MPHOSPH9: variants seen among roughly 807,000 people sequenced by gnomAD.
MPHOSPH9 encodes the protein M-phase phosphoprotein 9.
In MPHOSPH9, 88 loss-of-function variants were observed where a neutral mutation model predicts 145.5. The ratio of observed to expected loss-of-function variants is 0.60; its 90% CI spans 0.51 to 0.72. MPHOSPH9 has a LOEUF of 0.72. Among genes scored for constraint, MPHOSPH9 ranks in the 30% least tolerant of loss-of-function variants. MPHOSPH9 has a pLI of 0.00. For missense variants in MPHOSPH9, 1,238 were observed against 1,386.6 expected (o/e 0.89, Z 1.70); for synonymous variants, 435 against 486.2 (o/e 0.89, Z 1.39).
chr12:123,239,401 TG>T (rs1300026916), intron 1 of MPHOSPH9, among the ~76,000 whole-genome samples: 1 of 80,074 alleles, frequency 1.2e-5, no homozygotes, highest in Non-Finnish European at 3.9e-5. Flanking sequence ...GCATTAGTTT[TG>T]TTTTTTTGTT....
chr12:123,213,074 T>C (rs1219469276), intron 7 of MPHOSPH9, among the ~76,000 whole-genome samples: 1 of 151,874 alleles, frequency 6.6e-6, no homozygotes, highest in Non-Finnish European at 1.5e-5. Context: ...TTAGCCAGGA[T>C]AGTCTCGATC....
At chr12:123,194,327 T>C in intron 13 of MPHOSPH9, 59 bp downstream of exon 13, 5 of 986,828 alleles carry the variant, frequency 5.1e-6, no homozygotes, top group South Asian at 1.7e-5. Flanking sequence ...TGTAAGAGTA[T>C]AATACCTAAA....
At position 123,216,073 on chromosome 12, in the gene MPHOSPH9, T is replaced by C. The variant is rs1225373079; in HGVS notation, c.997-1239A>G. Reference sequence around the variant, plus strand: ...TAACACGGTGAAACCCCGTCTCTACTAAAAATACAAAAAATTAGCCGGGCG... The same window carrying C: ...TAACACGGTGAAACCCCGTCTCTACCAAAAATACAAAAAATTAGCCGGGCG... On this transcript the variant is annotated intron_variant, in intron 6 of 23. Transcript: ENST00000606320. Among the ~76,000 whole-genome samples the C allele has an allele frequency of 2.6e-5, 4 of 152,084 alleles. No homozygotes were observed. The South Asian group carries it at 8.3e-4, about 31-fold the overall frequency.
chr12:123,236,951 G>A (rs749854880), upstream of MPHOSPH9, among the ~76,000 whole-genome samples: 27 of 152,074 alleles, frequency 1.8e-4, no homozygotes, highest in Non-Finnish European at 3.1e-4. Flanking sequence ...CAAGCGTGGC[G>A]GCATGCGCCT....
chr12:123,161,150 T>C lies in MPHOSPH9; in HGVS notation c.3367A>G (p.Lys1123Glu), dbSNP rs1171327147. Residue 1123 changes from lysine (K) to glutamate (E), a missense_variant, in exon 22 of 24, where the codon AAA (lysine) becomes GAA (glutamate). Lys to Glu is a moderately conservative substitution (Grantham distance 56). Transcript: ENST00000606320. Reference sequence around the variant, plus strand: ...TTTGTTTTTACCTGGTCCTTTTCTTTTGTAAGTTCATCAAAAAATCGTTCT... The same window carrying C: ...TTTGTTTTTACCTGGTCCTTTTCTTCTGTAAGTTCATCAAAAAATCGTTCT... ...ETERFFDELT[K>E]EKDQIEAALS... 1 of 1,614,004 alleles carries C rather than the reference T, an allele frequency of 6.2e-7. No individual in the cohort carries two copies.
chr12:123,202,100 A>C, intron 11 of MPHOSPH9, 64 bp downstream of exon 11: 1 of 1,445,384 alleles, frequency 6.9e-7, no homozygotes, highest in Non-Finnish European at 9.3e-7. Context: ...TTCTCACATT[A>C]TACTTCTGTG....
intron 1 of MPHOSPH9, among the ~76,000 whole-genome samples, chr12:123,238,823 A>T (rs1340375566): frequency 6.6e-6 from 1 of 152,126 alleles, no homozygotes; most frequent in Non-Finnish European, 1.5e-5. Flanking sequence ...TTTTGCCACT[A>T]TGTGGACCAC....
chr12:123,199,812 G>GA (rs1398177886), intron 11 of MPHOSPH9, among the ~76,000 whole-genome samples: 1 of 149,432 alleles, frequency 6.7e-6, no homozygotes, highest in Admixed American at 6.7e-5. Flanking sequence ...AAGAAAGAAA[G>GA]AAAAAAAGAT....
At chr12:123,212,392 G>A (rs1216892067) in intron 7 of MPHOSPH9, among the ~76,000 whole-genome samples, 1 of 152,056 alleles carries the variant, frequency 6.6e-6, no homozygotes, top group Non-Finnish European at 1.5e-5. Flanking sequence ...TCTCATCAAA[G>A]AAACGGACAG....
chr12:123,222,404 G>A (rs1271282305), intron 4 of MPHOSPH9, among the ~76,000 whole-genome samples: 8 of 151,508 alleles, frequency 5.3e-5, no homozygotes, highest in African/African-American at 1.7e-4. Context: ...GGTGGCTCAC[G>A]CCTGTAATCC....
chr12:123,231,833 T>C (rs938471836), intron 1 of MPHOSPH9, among the ~76,000 whole-genome samples: 3 of 151,102 alleles, frequency 2.0e-5, no homozygotes, highest in Admixed American at 6.7e-5. Flanking sequence ...CATGCACTTA[T>C]AAAAGAGCAA....
chr12:123,232,815 A>G (rs1619283), intron 1 of MPHOSPH9: 82,575 of 151,866 alleles, frequency 0.54, 27,002 homozygotes, highest in Non-Finnish European at 0.71. Context: ...AACCCCACAA[A>G]CCCCCCGCCC....
intron 13 of MPHOSPH9, among the ~76,000 whole-genome samples, chr12:123,182,263 T>TTTTTTTTTTTTTGTTC (rs2045214369): frequency 2.4e-5 from 2 of 81,722 alleles, no homozygotes; most frequent in Non-Finnish European, 4.8e-5. Flanking sequence ...TTTTTTTTGT[T>TTTTTTTTTTTTTGTTC]TTTTTTTTTT....
At chr12:123,180,218 A>G (rs1408658363) in intron 14 of MPHOSPH9, among the ~76,000 whole-genome samples, 1 of 152,214 alleles carries the variant, frequency 6.6e-6, no homozygotes, top group Non-Finnish European at 1.5e-5. Context: ...GGTAACAGAT[A>G]CAGCCCTTTA....
At position 123,163,051 on chromosome 12, in the gene MPHOSPH9, T is replaced by C; in HGVS notation, c.2992A>G (p.Ser998Gly). 6.3e-7 allele frequency: 1 copy of C among 1,596,160 alleles called. No individual in the cohort carries two copies. Among genetic ancestry groups the C allele is most frequent in the Non-Finnish European group, 8.5e-7 (1 of 1,174,870 alleles). ...CTCTCATTTTTGCTAAGCAGATGAC[T>C]AAATCCTGGGGACAAGTTTTCTTTA... ...SPKENLSPGFSHLLSKNESSP... is the reference protein window; with the variant it reads ...SPKENLSPGFGHLLSKNESSP... The change falls in exon 20 of 24, where the codon AGT becomes GGT. Residue 998 changes from serine (S) to glycine (G), a missense_variant. By Grantham distance (56) the Ser-to-Gly change is moderately conservative (BLOSUM62 0). Around this residue, in one of 3 missense-constraint regions of MPHOSPH9, gnomAD observed 393 missense variants for 462.5 expected, o/e 0.85. Transcript: ENST00000606320.
At chr12:123,193,087 A>AT (rs2045768025) in intron 13 of MPHOSPH9, among the ~76,000 whole-genome samples, 1 of 71,130 alleles carries the variant, frequency 1.4e-5, no homozygotes, top group African/African-American at 4.0e-5. Flanking sequence ...AAAAAAAAAA[A>AT]AAAAAAAAAA....
chr12:123,169,269 G>A (rs1043173328), intron 16 of MPHOSPH9, among the ~76,000 whole-genome samples: 5 of 150,414 alleles, frequency 3.3e-5, no homozygotes. Context: ...GCCAAGGCGG[G>A]CAGATAACGA....
intron 16 of MPHOSPH9, among the ~76,000 whole-genome samples, chr12:123,167,419 G>C (rs1716168): frequency 0.64 from 96,687 of 152,056 alleles, 35,301 homozygotes; most frequent in East Asian, 0.97. Flanking sequence ...TCCTCAGAAC[G>C]ACAGTATTCC....
intron 11 of MPHOSPH9, among the ~76,000 whole-genome samples, chr12:123,199,206 C>T (rs1239039109): frequency 6.6e-6 from 1 of 152,052 alleles, no homozygotes; most frequent in Non-Finnish European, 1.5e-5. Flanking sequence ...AGGCTGGTCT[C>T]AAACTCCTGG....
Sources: allele counts gnomAD v4.1 joint callset (sites outside exome capture counted in the v4.1 genomes callset), GRCh38; gene constraint gnomAD v4.1.1; regional missense constraint gnomAD v4.1.1; transcripts MANE v1.5; gene names NCBI Gene and HGNC (gene_info 2026-07-23, HGNC 2026-07-21).